HADHB: variants seen among roughly 807,000 people sequenced by gnomAD.
The protein encoded by HADHB is trifunctional enzyme subunit beta, mitochondrial.
HADHB carries 50 observed loss-of-function variants against 61.9 expected under a neutral mutation model. The observed-to-expected ratio is 0.81, with a 90% confidence interval of 0.64 to 1.02. HADHB has a LOEUF of 1.02. Among genes scored for constraint, HADHB ranks in the 50% least tolerant of loss-of-function variants. The pLI, the probability that HADHB is intolerant of heterozygous loss-of-function variation, is 0.00. For missense variants in HADHB, 504 were observed against 586.5 expected (o/e 0.86, Z 1.45); for synonymous variants, 191 against 201.6 (o/e 0.95, Z 0.45).
At chr2:26,265,338 G>A (rs1672032423) in intron 4 of HADHB, among the ~76,000 whole-genome samples, 1 of 152,136 alleles carries the variant, frequency 6.6e-6, no homozygotes, top group African/African-American at 2.4e-5. Flanking sequence ...GCTCACACCT[G>A]TAATCCCAAC....
At chr2:26,279,618 A>C (rs1240393747) in intron 9 of HADHB, among the ~76,000 whole-genome samples, 3 of 151,396 alleles carry the variant, frequency 2.0e-5, no homozygotes, top group African/African-American at 7.3e-5. Flanking sequence ...GTGAGACTTC[A>C]TCTCTAATTA....
intron 5 of HADHB, among the ~76,000 whole-genome samples, chr2:26,270,482 C>G (rs1199946996): frequency 6.6e-6 from 1 of 152,170 alleles, no homozygotes; most frequent in Non-Finnish European, 1.5e-5. Flanking sequence ...GCCTTTGTGT[C>G]TTCAACCAGC....
chr2:26,273,660 G>T lies in HADHB; in HGVS notation c.264G>T (p.Leu88Phe). The change falls in exon 6 of 16, where the codon TTG becomes TTT. Residue 88 changes from leucine (L) to phenylalanine (F), a missense_variant. Coordinates refer to ENST00000317799, the MANE Select transcript of HADHB (RefSeq NM_000183.3). ...GGATTTCTACTTCCAGGGGTTTGTT[G>T]CATCGGACCAGTGTCCCTAAGGAAG... ...DLARAALTGL[L>F]HRTSVPKEVV... 2 of 1,585,596 alleles carry T rather than the reference G, an allele frequency of 1.3e-6. No homozygotes were observed. The highest frequency in any genetic ancestry group is 1.7e-6 in the Non-Finnish European group (2 of 1,154,202).
intron 3 of HADHB, among the ~76,000 whole-genome samples, chr2:26,258,588 A>G (rs562175662): frequency 6.6e-6 from 1 of 152,314 alleles, no homozygotes; most frequent in Admixed American, 6.5e-5. Context: ...AGTGGCGAAC[A>G]GCGGGTCTGT....
intron 3 of HADHB, chr2:26,254,693 G>GTT: frequency 2.0e-6 from 1 of 510,190 alleles, no homozygotes; most frequent in Non-Finnish European, 3.5e-6. Flanking sequence ...ATGGGAGGCT[G>GTT]TTTTCTGGGA....
At chr2:26,270,927 G>A (rs575792395) in intron 5 of HADHB, among the ~76,000 whole-genome samples, 18 of 145,760 alleles carry the variant, frequency 1.2e-4, no homozygotes, top group African/African-American at 4.3e-4. Context: ...CACCCAGGCT[G>A]GAGTGCAGTG....
In HADHB at chr2:26,279,843, GATA is replaced by G. The variant is rs1672710477; in HGVS notation, c.812-147_812-145del. On this transcript the variant is annotated intron_variant, in intron 9 of 15. Transcript: ENST00000317799. ...CTTTTAAGACTTTAGTTTAAAATTT[GATA>G]ATATGATAATTATAAAACACTTTCC... 1.4e-5 allele frequency: 9 copies of G among 634,352 alleles called. No individual in the cohort carries two copies. The Admixed American group carries it at 2.4e-4, about 17-fold the overall frequency. The allele number at this position is 634,352 out of a possible 1,614,324, so 39.3% of individuals were successfully genotyped here. A position where few individuals can be genotyped will look rare whatever the true frequency, so the allele number is the denominator to read the frequency against.
chr2:26,258,162 C>T (rs1016606370), intron 3 of HADHB, among the ~76,000 whole-genome samples: 2 of 152,172 alleles, frequency 1.3e-5, no homozygotes, highest in African/African-American at 4.8e-5. Context: ...TAGCTTCAAG[C>T]AGCTGTTTCA....
At chr2:26,283,312 C>A (rs541505028) in intron 12 of HADHB, among the ~76,000 whole-genome samples, 92 of 152,174 alleles carry the variant, frequency 6.0e-4, no homozygotes, top group East Asian at 7.7e-4. Context: ...ACCACGAGGT[C>A]AGGAGATTGA....
At position 26,289,913 on chromosome 2, in the gene HADHB, T is replaced by C. The variant is rs372429293; in HGVS notation, c.1390-5T>C. On this transcript the variant is annotated splice_region_variant and splice_polypyrimidine_tract_variant and intron_variant, in intron 15 of 15. Coordinates refer to ENST00000317799, the MANE Select transcript of HADHB (RefSeq NM_000183.3). ...TGCTCTAATTGGACTTTGTTTTCTTTACAGGGCCATGCTATGATAGTGGAA... is the reference window on the plus strand; with the variant it reads ...TGCTCTAATTGGACTTTGTTTTCTTCACAGGGCCATGCTATGATAGTGGAA... 3.9e-5 allele frequency: 63 copies of C among 1,601,874 alleles called. No individual in the cohort carries two copies. The highest frequency in any genetic ancestry group is 5.1e-5 in the Non-Finnish European group (60 of 1,168,976).
Position 26,277,062 on chromosome 2 carries a change from A to G in HADHB, c.355-11A>G, listed in dbSNP as rs769203131. 1.1e-5 allele frequency: 16 copies of G among 1,431,922 alleles called. No homozygotes were observed. The highest frequency in any genetic ancestry group is 2.1e-4 in the Middle Eastern group (1 of 4,838). 88.7% of individuals were successfully genotyped at this position (1,431,922 alleles called of 1,614,324 possible). A position where few individuals can be genotyped will look rare whatever the true frequency, so the allele number is the denominator to read the frequency against. On this transcript the variant is annotated splice_polypyrimidine_tract_variant and intron_variant, in intron 6 of 15. Coordinates refer to ENST00000317799, the MANE Select transcript of HADHB (RefSeq NM_000183.3). ...TTATAGTGATCATTTCATTCACTCT[A>G]TTTCCTAAAGGCTGCCCTTGGAGCT...
chr2:26,273,550 T>C (rs1057389229), intron 5 of HADHB, 101 bp from the exon 6 acceptor site: 13 of 744,294 alleles, frequency 1.7e-5, no homozygotes, highest in Non-Finnish European at 3.0e-5. Context: ...CCTTTTAAAT[T>C]CAAGGCTAAC....
intron 3 of HADHB, chr2:26,254,773 G>A (rs752065318): frequency 1.4e-5 from 5 of 359,362 alleles, no homozygotes; most frequent in Non-Finnish European, 2.6e-5. Flanking sequence ...CTTGCTGTCC[G>A]TCCTGGAGGT....
chr2:26,279,865 A>C (rs1350992345), intron 9 of HADHB, 129 bp from the exon 10 acceptor site: 1 of 695,782 alleles, frequency 1.4e-6, no homozygotes, highest in Non-Finnish European at 2.5e-6. Context: ...ATTATAAAAC[A>C]CTTTCCTTCT....
chr2:26,266,125 G>T (rs1672066255), intron 4 of HADHB, among the ~76,000 whole-genome samples: 1 of 151,908 alleles, frequency 6.6e-6, no homozygotes, highest in African/African-American at 2.4e-5. Flanking sequence ...AATTAGCCAG[G>T]CATGGTGGTG....
intron 4 of HADHB, among the ~76,000 whole-genome samples, chr2:26,266,706 C>G (rs1409728554): frequency 6.6e-6 from 1 of 150,782 alleles, no homozygotes. Flanking sequence ...ATGGCGAGAC[C>G]CTATCTCTAC....
intron 3 of HADHB, chr2:26,260,925 ATGGC>A: frequency 1.2e-6 from 1 of 823,726 alleles, no homozygotes; most frequent in Non-Finnish European, 2.0e-6. Context: ...GTTCTTCCTC[ATGGC>A]ATCTTTTTAG....
chr2:26,290,010 AT>A lies in HADHB; in HGVS notation c.*60del. 2 of 1,035,686 alleles carry A rather than the reference AT, an allele frequency of 1.9e-6. No homozygotes were observed. 64.2% of individuals were successfully genotyped at this position (1,035,686 alleles called of 1,614,324 possible). Reference sequence around the variant, plus strand: ...TGCAACACTCACACTAGGCAATGCCATTTCAATGCATTACTAAATGACATTT... The same window carrying A: ...TGCAACACTCACACTAGGCAATGCCATTCAATGCATTACTAAATGACATTT... On this transcript the variant is annotated 3_prime_UTR_variant, in exon 16 of 16. Transcript: ENST00000317799.
At chr2:26,272,850 A>G (rs1672401021) in intron 5 of HADHB, among the ~76,000 whole-genome samples, 1 of 152,008 alleles carries the variant, frequency 6.6e-6, no homozygotes, top group African/African-American at 2.4e-5. Context: ...TTGGGAGGCC[A>G]AGGCTGGTGG....
Sources: gnomAD v4.1 joint callset for allele counts (sites outside exome capture counted in the v4.1 genomes callset) on GRCh38, gnomAD v4.1.1 for gene constraint, MANE v1.5 for transcripts, NCBI Gene and HGNC (gene_info 2026-07-23, HGNC 2026-07-21) for gene names.